Variants in HPS1 observed in about 807,000 individuals in gnomAD.
The protein encoded by HPS1 is BLOC-3 complex member HPS1.
HPS1 carries 59 observed loss-of-function variants against 90.6 expected under a neutral mutation model. The ratio of observed to expected loss-of-function variants is 0.65; its 90% CI spans 0.53 to 0.81. The LOEUF (loss-of-function observed/expected upper bound fraction) is 0.81. Ranked by LOEUF, HPS1 falls within the 30% of genes least tolerant of loss-of-function variation. The pLI is 0.00. For synonymous variants in HPS1, 388 were observed against 384.4 expected, an observed-to-expected ratio of 1.01 and a Z score of -0.11; for missense variants, 849 against 896.7, an observed-to-expected ratio of 0.95 and a Z score of 0.68.
chr10:98,416,047 A>C (rs1320430698), downstream of HPS1, among the ~76,000 whole-genome samples: 1 of 152,192 alleles, frequency 6.6e-6, no homozygotes, highest in Non-Finnish European at 1.5e-5. Flanking sequence ...GAGTTCCTGC[A>C]CTGCTCTGAT....
intron 16 of HPS1, 51 bp from the exon 17 acceptor site, chr10:98,422,564 C>T (rs1280062550): frequency 2.5e-6 from 4 of 1,592,048 alleles, no homozygotes; most frequent in African/African-American, 2.7e-5. Flanking sequence ...GGACGGCCTG[C>T]CTCTGTCCTG....
In HPS1 at chr10:98,430,291, G is replaced by C. The variant is rs576640170; in HGVS notation, c.768+280C>G. Among the ~76,000 whole-genome samples, 4 of 152,288 alleles carry C rather than the reference G, an allele frequency of 2.6e-5. 1 individual carries two copies. The South Asian group carries it at 8.3e-4, about 32-fold the overall frequency. On this transcript the variant is annotated intron_variant, in intron 8 of 19. Coordinates refer to ENST00000361490, the MANE Select transcript of HPS1 (RefSeq NM_000195.5). ...AGATAAGGGCACTGAGGCTCTGGGG[G>C]TGCAAGTACGGGCTCAGCTCACACA...
At chr10:98,434,941 C>T in intron 5 of HPS1, 1 of 384,724 alleles carries the variant, frequency 2.6e-6, no homozygotes, top group South Asian at 2.2e-5. Context: ...TAGCTCAGAC[C>T]AGATTTGTAA....
At chr10:98,414,875 G>A (rs555757841), downstream of HPS1, 133 of 1,333,200 alleles carry the variant, frequency 1.0e-4, no homozygotes, top group African/African-American at 8.5e-4. Context: ...CCCTGCTAGC[G>A]TATAAACTTC....
At chr10:98,438,626 T>C (rs1226531744) in intron 3 of HPS1, among the ~76,000 whole-genome samples, 2 of 152,194 alleles carry the variant, frequency 1.3e-5, no homozygotes, top group Non-Finnish European at 2.9e-5. Context: ...CACTAATAGA[T>C]GGTTTGGAAT....
chr10:98,429,459 C>G (rs1331473244), intron 10 of HPS1, 114 bp downstream of exon 10: 1 of 1,585,646 alleles, frequency 6.3e-7, no homozygotes, highest in Non-Finnish European at 8.6e-7. Context: ...ACACGGGTAC[C>G]TGCACTCAAG....
chr10:98,418,073 T>G (rs1051390273), intron 19 of HPS1, 102 bp downstream of exon 19: 4 of 794,488 alleles, frequency 5.0e-6, no homozygotes, highest in Non-Finnish European at 8.5e-6. Context: ...TTTCTGGGTC[T>G]GAGGTAGGGC....
chr10:98,444,971 G>A (rs1444898761), intron 2 of HPS1, among the ~76,000 whole-genome samples: 1 of 152,166 alleles, frequency 6.6e-6, no homozygotes, highest in African/African-American at 2.4e-5. Flanking sequence ...AGAAGTGACC[G>A]GCTGGCTGGA....
At chr10:98,418,650 A>G (rs1031823542) in intron 18 of HPS1, among the ~76,000 whole-genome samples, 2 of 152,226 alleles carry the variant, frequency 1.3e-5, no homozygotes, top group Admixed American at 1.3e-4. Context: ...GGGAATTAAG[A>G]TCTGCTGGAC....
At chr10:98,438,666 C>T (rs1937826815) in intron 3 of HPS1, among the ~76,000 whole-genome samples, 1 of 152,112 alleles carries the variant, frequency 6.6e-6, no homozygotes, top group South Asian at 2.1e-4. Context: ...GGAAGCAGAA[C>T]ATAAAAGTTT....
chr10:98,429,696 T>C (rs1846117542), intron 9 of HPS1, 54 bp from the exon 10 acceptor site: 9 of 1,614,106 alleles, frequency 5.6e-6, no homozygotes, highest in South Asian at 1.1e-5. Context: ...GGCTCAACCC[T>C]GTCCCTGCTC....
rs1845025544 is a variant in HPS1 at position 98,422,512 on chromosome 10, A to G, written c.1600T>C (p.Tyr534His). 6.2e-7 allele frequency: 1 copy of G among 1,614,006 alleles called. No individual in the cohort carries two copies. The highest frequency in any genetic ancestry group is 8.5e-7 in the Non-Finnish European group (1 of 1,179,992). Reference protein sequence around the residue: ...KSRRNITMVSYLEDFPGLVHF... With the variant: ...KSRRNITMVSHLEDFPGLVHF... ...ACCAAGCCTGGGAAGTCTTCTAGGTAGGTGAAGGTCTGAGTTAAGGTGCTT... is the reference window on the plus strand; with the variant it reads ...ACCAAGCCTGGGAAGTCTTCTAGGTGGGTGAAGGTCTGAGTTAAGGTGCTT... The change falls in exon 17 of 20, where the codon TAC (tyrosine) becomes CAC (histidine). Residue 534 changes from tyrosine to histidine, a missense_variant and splice_region_variant. By Grantham distance (83) the Tyr-to-His change is moderately conservative. Transcript: ENST00000361490.
downstream of HPS1, among the ~76,000 whole-genome samples, chr10:98,415,910 G>T (rs912293578): frequency 6.6e-6 from 1 of 152,248 alleles, no homozygotes; most frequent in Non-Finnish European, 1.5e-5. Flanking sequence ...GGTCACATCT[G>T]TAAATACCTC....
intron 6 of HPS1, among the ~76,000 whole-genome samples, chr10:98,433,231 CAAAAA>C (rs35145578): frequency 1.2e-5 from 1 of 85,384 alleles, no homozygotes; most frequent in Non-Finnish European, 2.4e-5. Flanking sequence ...GACTCCATCT[CAAAAA>C]AAAAAAAAAA....
chr10:98,427,156 A>G, intron 11 of HPS1, 59 bp downstream of exon 11: 1 of 1,408,038 alleles, frequency 7.1e-7, no homozygotes, highest in Admixed American at 2.0e-5. Context: ...CAGAGCCCCC[A>G]ATACTCACTG....
Position 98,435,912 on chromosome 10 carries a change from G to T in HPS1, c.118-140C>A. Reference sequence around the variant, plus strand: ...AGGGTATCACTGTCCTGGTAGGGAGGGGAGCAAAAAGAGACTGTCCCCAAC... The same window carrying T: ...AGGGTATCACTGTCCTGGTAGGGAGTGGAGCAAAAAGAGACTGTCCCCAAC... On this transcript the variant is annotated intron_variant, in intron 3 of 19. Coordinates refer to ENST00000361490, the MANE Select transcript of HPS1 (RefSeq NM_000195.5). This position sits in a 1 kb window ranked among gnomAD's most constrained non-coding sequence, Gnocchi z 4.3. 1 of 1,074,032 alleles carries T rather than the reference G, an allele frequency of 9.3e-7. No homozygotes were observed. The highest frequency in any genetic ancestry group is 2.4e-5 in the Admixed American group (1 of 42,032). 66.5% of individuals were successfully genotyped at this position (1,074,032 alleles called of 1,614,324 possible). A position where few individuals can be genotyped will look rare whatever the true frequency, so the allele number is the denominator to read the frequency against.
chr10:98,444,039 A>AAAAC (rs144071027), intron 2 of HPS1, among the ~76,000 whole-genome samples: 55,214 of 149,868 alleles, frequency 0.37, 10,379 homozygotes, highest in Admixed American at 0.43. Flanking sequence ...TCTGTCTGAA[A>AAAAC]AAACAAACAA....
chr10:98,443,093 C>T (rs761622215), intron 3 of HPS1, 31 bp downstream of exon 3: 7 of 1,445,184 alleles, frequency 4.8e-6, no homozygotes, highest in Admixed American at 1.7e-5. Flanking sequence ...TTCCTATCCA[C>T]CCCTCCTGGG....
chr10:98,423,780 A>G lies in HPS1; in HGVS notation c.1505T>C (p.Leu502Pro). The stretch of plus-strand genomic sequence containing the variant: ...CATGAGCCTCTGCACTTGGTCCTGC[A>G]GGTGCTGGGGCAGGTGTGGGCCTCC... ...SRGGPHLPQH[L>P]QDQVQRLMRE... Residue 502 changes from leucine (L) to proline (P), a missense_variant, in exon 15 of 20, where the codon CTG (leucine) becomes CCG (proline). By Grantham distance (98) the Leu-to-Pro change is moderately conservative. Transcript: ENST00000361490. 1.2e-6 allele frequency: 2 copies of G among 1,614,064 alleles called. No individual in the cohort carries two copies. The highest frequency in any genetic ancestry group is 1.7e-6 in the Non-Finnish European group (2 of 1,180,032).
Sources: allele counts gnomAD v4.1 joint callset (sites outside exome capture counted in the v4.1 genomes callset), GRCh38; gene constraint gnomAD v4.1.1; non-coding constraint Gnocchi (gnomAD v3.1); transcripts MANE v1.5; gene names NCBI Gene and HGNC (gene_info 2026-07-23, HGNC 2026-07-21).